Variants in MAP1B observed in about 807,000 individuals in gnomAD.
The protein encoded by MAP1B is microtubule-associated protein 1B.
A neutral mutation model predicts 176.1 loss-of-function variants in MAP1B; 12 were observed. The observed-to-expected ratio is 0.07, with a 90% CI of 0.04 to 0.11. The LOEUF is 0.11. Among genes scored for constraint, MAP1B ranks in the 10% least tolerant of loss-of-function variants. MAP1B has a pLI of 1.00. For synonymous variants in MAP1B, 1,044 were observed against 1,135.0 expected, an observed-to-expected ratio of 0.92 and a Z score of 1.61; for missense variants, 2,523 against 2,990.5, an observed-to-expected ratio of 0.84 and a Z score of 3.65.
Position 72,197,984 on chromosome 5 carries a change from C to T in MAP1B, c.4629C>T (p.Tyr1543=), listed in dbSNP as rs149759022. 2.9e-5 allele frequency: 47 copies of T among 1,614,188 alleles called. No individual in the cohort carries two copies. In the Admixed American group the frequency reaches 6.0e-4, roughly 21 times the overall value. ...PVDEGVAEDT[Y]SHMEGVASVS... is the part of the protein sequence containing the mutation. ...ATGAGGGCGTAGCAGAAGACACGTA[C>T]TCTCATATGGAGGGTGTGGCCTCAG... Residue 1543 remains tyrosine (Y), a synonymous_variant, in exon 5 of 7, where the codon TAC becomes TAT. Transcript: ENST00000296755.
rs542417319 is a variant in MAP1B at position 72,160,660 on chromosome 5, ATAGGCAACATCAAAGAAGAC to A, written c.287-23080_287-23061del. ...TAGTTCCATTCCTTGAGACAGATAT[ATAGGCAACATCAAAGAAGAC>A]TAATCTTTGATTAGTCTTTGAAATC... On this transcript the variant is annotated intron_variant, in intron 2 of 6. Transcript: ENST00000296755. Among the ~76,000 whole-genome samples, 36 of 152,340 alleles carry A rather than the reference ATAGGCAACATCAAAGAAGAC, an allele frequency of 2.4e-4. No homozygotes were observed. The East Asian group carries it at 6.0e-3, about 25-fold the overall frequency.
chr5:72,133,359 G>A (rs979680011), intron 2 of MAP1B, among the ~76,000 whole-genome samples: 1 of 152,200 alleles, frequency 6.6e-6, no homozygotes, highest in Admixed American at 6.5e-5. Flanking sequence ...CGCTGGAGGC[G>A]GGATGGAGAG....
intron 1 of MAP1B, among the ~76,000 whole-genome samples, chr5:72,112,944 CA>C (rs916782076): frequency 6.6e-6 from 1 of 152,140 alleles, no homozygotes; most frequent in Admixed American, 6.5e-5. Flanking sequence ...ACCTCTTCAC[CA>C]ACACCCCAGG....
intron 2 of MAP1B, among the ~76,000 whole-genome samples, chr5:72,135,023 T>C (rs987332258): frequency 1.3e-5 from 2 of 150,584 alleles, no homozygotes; most frequent in Non-Finnish European, 3.0e-5. Flanking sequence ...CAGAGCTGAG[T>C]TGGTGGAAGA....
chr5:72,137,474 A>G (rs755610003), intron 2 of MAP1B, among the ~76,000 whole-genome samples: 9 of 152,240 alleles, frequency 5.9e-5, no homozygotes, highest in African/African-American at 1.2e-4. Flanking sequence ...TTCATTCAGA[A>G]TTAAATGGCA....
chr5:72,119,269 A>C (rs556034826), intron 2 of MAP1B, among the ~76,000 whole-genome samples: 1 of 152,134 alleles, frequency 6.6e-6, no homozygotes, highest in Non-Finnish European at 1.5e-5. Context: ...TTGCCTTACT[A>C]TTGCAGCCTT....
intron 2 of MAP1B, among the ~76,000 whole-genome samples, chr5:72,157,706 C>T (rs1391054766): frequency 6.6e-6 from 1 of 152,184 alleles, no homozygotes; most frequent in Non-Finnish European, 1.5e-5. Context: ...ATAAGTTTCC[C>T]CTAATAGATT....
At position 72,135,430 on chromosome 5, in the gene MAP1B, G is replaced by A. The variant is rs776400349; in HGVS notation, c.286+19631G>A. The stretch of plus-strand genomic sequence containing the variant: ...TTTTTTCTCTCTCTCTCTCATTTGT[G>A]TCAGTGTTTTGCAAGTACAGGTCAG... On this transcript the variant is annotated intron_variant, in intron 2 of 6. Coordinates refer to ENST00000296755, the MANE Select transcript of MAP1B (RefSeq NM_005909.5). Among the ~76,000 whole-genome samples the A allele has an allele frequency of 1.3e-5, 2 of 152,198 alleles. 1 individual carries two copies. The highest frequency in any genetic ancestry group is 1.3e-4 in the Admixed American group (2 of 15,284).
chr5:72,127,552 C>A (rs146974219), intron 2 of MAP1B, among the ~76,000 whole-genome samples: 419 of 152,118 alleles, frequency 2.8e-3, no homozygotes, highest in African/African-American at 9.4e-3. Context: ...CACGTGTATA[C>A]CTATGTAACA....
chr5:72,207,722 T>A lies in MAP1B; in HGVS notation c.*2483T>A, dbSNP rs979949982. Reference sequence around the variant, plus strand: ...AAGATAATTATTTAATGGTTAGCTCTTAAGTTGAATTGGTCTACATAATGC... The same window carrying A: ...AAGATAATTATTTAATGGTTAGCTCATAAGTTGAATTGGTCTACATAATGC... On this transcript the variant is annotated 3_prime_UTR_variant, in exon 7 of 7. Transcript: ENST00000296755. 6.6e-6 allele frequency: 1 copy of A among 152,236 alleles called. No homozygotes were observed. The highest frequency in any genetic ancestry group is 2.4e-5 in the African/African-American group (1 of 41,468). 9.4% of individuals were successfully genotyped at this position (152,236 alleles called of 1,614,324 possible). A position where few individuals can be genotyped will look rare whatever the true frequency, so the allele number is the denominator to read the frequency against.
At chr5:72,146,958 C>A (rs955356135) in intron 2 of MAP1B, among the ~76,000 whole-genome samples, 3 of 148,020 alleles carry the variant, frequency 2.0e-5, no homozygotes, top group African/African-American at 7.4e-5. Flanking sequence ...TTATCCAAAT[C>A]TTCTTTTTTT....
At chr5:72,177,073 C>T (rs767553283) in intron 2 of MAP1B, among the ~76,000 whole-genome samples, 4 of 152,200 alleles carry the variant, frequency 2.6e-5, no homozygotes, top group Non-Finnish European at 5.9e-5. Context: ...ACCAAGTCTC[C>T]TACCACCTTT....
rs967125761 is a variant in MAP1B, at chr5:72,204,715, C to T, written c.7252-369C>T. ...GTGGGCTTTTGAGGGCTTTGAAGTGCGCGATAAAATCCTTGGATTAAATAT... is the reference window on the plus strand; with the variant it reads ...GTGGGCTTTTGAGGGCTTTGAAGTGTGCGATAAAATCCTTGGATTAAATAT... On this transcript the variant is annotated intron_variant, in intron 6 of 6. Coordinates refer to ENST00000296755, the MANE Select transcript of MAP1B (RefSeq NM_005909.5). The surrounding 1 kb of genome is among the most constrained non-coding windows in gnomAD (Gnocchi z 4.4). Among the ~76,000 whole-genome samples, 12 of 152,042 alleles carry T rather than the reference C, an allele frequency of 7.9e-5. No individual in the cohort carries two copies. Among genetic ancestry groups the T allele is most frequent in the Admixed American group, 2.6e-4 (4 of 15,268 alleles).
In MAP1B at chr5:72,194,845, A is replaced by T. The variant is rs1228231757; in HGVS notation, c.1490A>T (p.Asn497Ile). The change falls in exon 5 of 7, where the codon AAC (asparagine) becomes ATC (isoleucine). Residue 497 changes from asparagine to isoleucine, a missense_variant. Coordinates refer to ENST00000296755, the MANE Select transcript of MAP1B (RefSeq NM_005909.5). The surrounding 1 kb of genome is among the most constrained non-coding windows in gnomAD (Gnocchi z 7.2). Reference protein sequence around the residue: ...VLFPGNSTQYNILEGLEKLKH... With the variant: ...VLFPGNSTQYIILEGLEKLKH... ...TTTCCTGGGAACAGCACCCAGTACA[A>T]CATCCTGGAAGGGTTGGAAAAGCTC... 1 of 1,614,178 alleles carries T rather than the reference A, an allele frequency of 6.2e-7. No individual in the cohort carries two copies. The highest frequency in any genetic ancestry group is 1.7e-5 in the Admixed American group (1 of 60,028).
At chr5:72,190,185 C>T (rs1746996757) in intron 4 of MAP1B, among the ~76,000 whole-genome samples, 1 of 152,152 alleles carries the variant, frequency 6.6e-6, no homozygotes, top group Admixed American at 6.5e-5. Flanking sequence ...TGACTTTTGA[C>T]CATCACCATA....
In MAP1B at chr5:72,206,229, A is replaced by G. The variant is rs1747443510; in HGVS notation, c.*990A>G. 1 of 152,684 alleles carries G rather than the reference A, an allele frequency of 6.5e-6. No individual in the cohort carries two copies. Among genetic ancestry groups the G allele is most frequent in the African/African-American group, 2.4e-5 (1 of 41,464 alleles). The allele number at this position is 152,684 out of a possible 1,614,324, so 9.5% of individuals were successfully genotyped here. A position where few individuals can be genotyped will look rare whatever the true frequency, so the allele number is the denominator to read the frequency against. On this transcript the variant is annotated 3_prime_UTR_variant, in exon 7 of 7. Transcript: ENST00000296755. ...AGATACTTGATGCACTTATTTTTTA[A>G]TGTGAGACAGCAAGTTTATAAAACA... is the stretch of plus-strand genomic sequence containing the variant.
intron 2 of MAP1B, among the ~76,000 whole-genome samples, chr5:72,150,274 T>A (rs911943331): frequency 2.0e-5 from 3 of 152,242 alleles, no homozygotes; most frequent in African/African-American, 7.2e-5. Flanking sequence ...TATACCGTTA[T>A]TACTCAGAAA....
intron 2 of MAP1B, among the ~76,000 whole-genome samples, chr5:72,180,787 C>T (rs1368019774): frequency 6.6e-6 from 1 of 152,120 alleles, no homozygotes; most frequent in Non-Finnish European, 1.5e-5. Context: ...CCAATATTCT[C>T]TTAATATTTT....
At position 72,166,915 on chromosome 5, in the gene MAP1B, G is replaced by A. The variant is rs79594601; in HGVS notation, c.287-16828G>A. Among the ~76,000 whole-genome samples the A allele has an allele frequency of 7.3e-3, 1,111 of 152,262 alleles. 11 individuals carry two copies. Among genetic ancestry groups the A allele is most frequent in the African/African-American group, 0.025 (1,037 of 41,548 alleles). ...CTGTGGGCAGGACGGGGCAGTCCAG[G>A]AAACAAGATGAAACACAGCCCACTT... On this transcript the variant is annotated intron_variant, in intron 2 of 6. Transcript: ENST00000296755.
Sources: gnomAD v4.1 joint callset for allele counts (sites outside exome capture counted in the v4.1 genomes callset) on GRCh38, gnomAD v4.1.1 for gene constraint, Gnocchi (gnomAD v3.1) non-coding constraint, MANE v1.5 for transcripts, NCBI Gene and HGNC (gene_info 2026-07-23, HGNC 2026-07-21) for gene names.